The following NAALADL2 variants were observed in gnomAD, a reference collection of about 807,000 sequenced individuals.
NAALADL2 encodes the protein N-acetylated alpha-linked acidic dipeptidase like 2.
Under a neutral mutation model 87.2 loss-of-function variants are expected in NAALADL2, and 76 were observed. The observed-to-expected ratio is 0.87, with a 90% confidence interval of 0.72 to 1.05. The LOEUF (loss-of-function observed/expected upper bound fraction) is 1.05, where lower values mean the gene tolerates loss of function less well. Among genes scored for constraint, NAALADL2 ranks in the 50% least tolerant of loss-of-function variants. The pLI, the probability that NAALADL2 is intolerant of heterozygous loss-of-function variation, is 0.00. For missense variants in NAALADL2, 1,089 were observed against 945.8 expected (o/e 1.15, Z -1.99); for synonymous variants, 354 against 331.0 (o/e 1.07, Z -0.75).
intron 6 of NAALADL2, among the ~76,000 whole-genome samples, chr3:175,459,038 C>T (rs931754584): frequency 1.4e-4 from 22 of 152,040 alleles, no homozygotes; most frequent in Non-Finnish European, 5.9e-5. Context: ...ACTATCCCCA[C>T]CATCCTTGGG....
intron 1 of NAALADL2, among the ~76,000 whole-genome samples, chr3:174,925,053 G>T (rs1735792686): frequency 6.6e-6 from 1 of 152,114 alleles, no homozygotes; most frequent in Non-Finnish European, 1.5e-5. Flanking sequence ...TTCTTTTGCT[G>T]TGTGTAAGCT....
At chr3:175,011,272 CAGAGAGACAGAGAGAGAG>C (rs1485228850) in intron 1 of NAALADL2, among the ~76,000 whole-genome samples, 1,539 of 110,372 alleles carry the variant, frequency 0.014, 42 homozygotes, top group African/African-American at 0.045. Flanking sequence ...GGGAGAGAGA[CAGAGAGACAGAGAGAGAG>C]AGAGAGAGAG....
chr3:174,845,933 G>T (rs1203441359), intron 3 of NAALADL2, among the ~76,000 whole-genome samples: 1 of 152,160 alleles, frequency 6.6e-6, no homozygotes, highest in Non-Finnish European at 1.5e-5. Flanking sequence ...TTGCACCTGT[G>T]GGTCTAGTTT....
intron 2 of NAALADL2, among the ~76,000 whole-genome samples, chr3:174,699,248 G>A (rs636573): frequency 0.99 from 151,443 of 152,234 alleles, 75,329 homozygotes; most frequent in East Asian, 1. Context: ...CTGTAATCCC[G>A]GCATTTTGGG....
intron 1 of NAALADL2, chr3:174,513,540 T>C (rs1005477256): frequency 2.0e-5 from 3 of 152,210 alleles, no homozygotes; most frequent in Admixed American, 2.0e-4. Context: ...CTTATTTCAT[T>C]TGGAATTACA....
chr3:174,868,728 G>A (rs1271907025), intron 1 of NAALADL2, among the ~76,000 whole-genome samples: 3 of 152,086 alleles, frequency 2.0e-5, no homozygotes, highest in South Asian at 2.1e-4. Context: ...GATGGGGACC[G>A]TTTAGGCAAT....
At chr3:174,623,519 T>A (rs550611304) in intron 2 of NAALADL2, among the ~76,000 whole-genome samples, 2 of 151,800 alleles carry the variant, frequency 1.3e-5, no homozygotes, top group African/African-American at 2.4e-5. Context: ...TTCTTATTTT[T>A]AAAAATATTT....
chr3:175,551,732 A>G (rs960979800), intron 9 of NAALADL2, among the ~76,000 whole-genome samples: 12 of 152,088 alleles, frequency 7.9e-5, no homozygotes, highest in African/African-American at 2.7e-4. Context: ...CCCCGTCTAC[A>G]CTAAAAATTC....
At chr3:174,836,121 A>C (rs189541474) in intron 3 of NAALADL2, among the ~76,000 whole-genome samples, 1 of 152,338 alleles carries the variant, frequency 6.6e-6, no homozygotes, top group Admixed American at 6.5e-5. Flanking sequence ...TGAATAGATA[A>C]ACGTTGTATA....
intron 1 of NAALADL2, among the ~76,000 whole-genome samples, chr3:174,920,282 A>G (rs936951096): frequency 1.3e-5 from 2 of 152,202 alleles, no homozygotes; most frequent in Non-Finnish European, 2.9e-5. Flanking sequence ...TTCCAACATA[A>G]GACTGTTTTG....
chr3:175,305,411 C>G (rs927004282), intron 4 of NAALADL2, among the ~76,000 whole-genome samples: 1 of 152,098 alleles, frequency 6.6e-6, no homozygotes, highest in Non-Finnish European at 1.5e-5. Flanking sequence ...ATGTACATCT[C>G]TTGTGTAATG....
intron 13 of NAALADL2, among the ~76,000 whole-genome samples, chr3:175,797,633 C>G (rs1753662801): frequency 6.6e-6 from 1 of 152,004 alleles, no homozygotes; most frequent in Admixed American, 6.5e-5. Context: ...TGGTCAGTTC[C>G]TAGTCTTTCC....
intron 2 of NAALADL2, chr3:175,112,579 T>C (rs1724384736): frequency 6.6e-6 from 1 of 151,676 alleles, no homozygotes; most frequent in Non-Finnish European, 1.5e-5. Flanking sequence ...AAGTCCATTC[T>C]TCTTGATTCA....
chr3:174,776,843 T>A (rs994944632), intron 3 of NAALADL2, among the ~76,000 whole-genome samples: 1 of 152,134 alleles, frequency 6.6e-6, no homozygotes, highest in East Asian at 1.9e-4. Context: ...GCTGCATTGT[T>A]TGCACATAAT....
chr3:175,806,083 G>T lies in NAALADL2; in HGVS notation c.*2880G>T, dbSNP rs1444513263. On this transcript the variant is annotated 3_prime_UTR_variant, in exon 14 of 14. Coordinates refer to ENST00000454872, the MANE Select transcript of NAALADL2 (RefSeq NM_207015.3). Reference sequence around the variant, plus strand: ...TCTTGCTTCTCCCTGAGGAGACAGGGTTATAAATGATCTTTTCCAGTGCAT... The same window carrying T: ...TCTTGCTTCTCCCTGAGGAGACAGGTTTATAAATGATCTTTTCCAGTGCAT... 1 of 151,880 alleles carries T rather than the reference G, an allele frequency of 6.6e-6. No individual in the cohort carries two copies. The highest frequency in any genetic ancestry group is 1.5e-5 in the Non-Finnish European group (1 of 67,892). The allele number at this position is 151,880 out of a possible 1,614,324, so 9.4% of individuals were successfully genotyped here.
intron 2 of NAALADL2, among the ~76,000 whole-genome samples, chr3:174,700,563 A>T (rs1406598447): frequency 6.6e-6 from 1 of 152,124 alleles, no homozygotes; most frequent in African/African-American, 2.4e-5. Context: ...TTGACTTTTC[A>T]TTTATTTTAG....
chr3:174,869,620 T>C (rs1727554356), intron 1 of NAALADL2, among the ~76,000 whole-genome samples: 1 of 152,046 alleles, frequency 6.6e-6, no homozygotes, highest in African/African-American at 2.4e-5. Flanking sequence ...AGAGTCAAGA[T>C]GGAGCTGTGT....
intron 2 of NAALADL2, among the ~76,000 whole-genome samples, chr3:174,555,210 C>T (rs1349794253): frequency 6.6e-6 from 1 of 152,136 alleles, no homozygotes; most frequent in African/African-American, 2.4e-5. Context: ...TATAAGGAAA[C>T]ACAGAGCAAA....
At position 175,393,451 on chromosome 3, in the gene NAALADL2, A is replaced by G. The variant is rs548387868; in HGVS notation, c.1091-53778A>G. ...GAAATCATATTTTTTTAATTTTACT[A>G]CTATGCAAATTTGTCTTTTTATAAT... On this transcript the variant is annotated intron_variant, in intron 5 of 13. Coordinates refer to ENST00000454872, the MANE Select transcript of NAALADL2 (RefSeq NM_207015.3). Among the ~76,000 whole-genome samples, 20 of 152,068 alleles carry G rather than the reference A, an allele frequency of 1.3e-4. No individual in the cohort carries two copies. In the South Asian group the frequency reaches 1.7e-3, roughly 13 times the overall value.
Sources: allele counts gnomAD v4.1 joint callset (sites outside exome capture counted in the v4.1 genomes callset), GRCh38; gene constraint gnomAD v4.1.1; transcripts MANE v1.5; gene names NCBI Gene and HGNC (gene_info 2026-07-23, HGNC 2026-07-21).